Variants in PURG observed in about 807,000 individuals in gnomAD.
PURG encodes the protein purine-rich element-binding protein gamma.
In PURG, 3 loss-of-function variants were observed where a neutral mutation model predicts 24.3. The observed-to-expected ratio is 0.12, with a 90% confidence interval of 0.06 to 0.32. The LOEUF (loss-of-function observed/expected upper bound fraction) is 0.32. PURG is among the 10% of genes least tolerant of loss of function. The pLI, the probability that PURG is intolerant of heterozygous loss-of-function variation, is 1.00. For synonymous variants in PURG, 180 were observed against 173.1 expected, an observed-to-expected ratio of 1.04 and a Z score of -0.31; for missense variants, 371 against 439.1, an observed-to-expected ratio of 0.84 and a Z score of 1.39.
Position 31,032,302 on chromosome 8 carries a change from C to G in PURG, c.481G>C (p.Val161Leu). The change falls in exon 2 of 2, where the codon GTG becomes CTG. Residue 161 changes from valine to leucine, a missense_variant. Val to Leu is a conservative substitution (Grantham distance 32). Transcript: ENST00000523392. The surrounding 1 kb of genome is among the most constrained non-coding windows in gnomAD (Gnocchi z 5.9). ...CTGTGAGGATGCTCTTCGGACCCCA[C>G]CGAGACTGGTGGGGAGGGTGCCGAG... ...KHSAPSPPVSVGSEEHPHSVL... is the reference protein window; with the variant it reads ...KHSAPSPPVSLGSEEHPHSVL... The G allele has an allele frequency of 3.1e-6, 5 of 1,612,836 alleles. No homozygotes were observed. The highest frequency in any genetic ancestry group is 4.2e-6 in the Non-Finnish European group (5 of 1,180,022).
downstream of PURG, among the ~76,000 whole-genome samples, chr8:31,026,637 A>AATATATATAT (rs397791712): frequency 3.9e-5 from 5 of 128,660 alleles, no homozygotes; most frequent in African/African-American, 1.1e-4. Flanking sequence ...TTTTAAAAAG[A>AATATATATAT]ATATATATAT....
intron 1 of PURG, among the ~76,000 whole-genome samples, chr8:31,002,244 G>A (rs989668281): frequency 2.0e-5 from 3 of 152,132 alleles, no homozygotes; most frequent in Non-Finnish European, 4.4e-5. Flanking sequence ...TGAATACCGA[G>A]AGGTAAGACT....
intron 1 of PURG, among the ~76,000 whole-genome samples, chr8:30,999,289 T>G (rs1775843908): frequency 6.6e-6 from 1 of 151,926 alleles, no homozygotes; most frequent in Non-Finnish European, 1.5e-5. Context: ...AGTTTGAATA[T>G]TCTTTTTCAG....
At chr8:31,016,974 T>C (rs1044397901) in intron 1 of PURG, among the ~76,000 whole-genome samples, 1 of 152,112 alleles carries the variant, frequency 6.6e-6, no homozygotes, top group Non-Finnish European at 1.5e-5. Flanking sequence ...AAAGGAGAGA[T>C]GATCAAAAGA....
chr8:31,008,803 TGACAGAATTTGGACTTGAACCCAG>T (rs1222495031), intron 1 of PURG, among the ~76,000 whole-genome samples: 11 of 152,218 alleles, frequency 7.2e-5, no homozygotes, highest in Non-Finnish European at 1.3e-4. Flanking sequence ...TCACAATAAA[TGACAGAATTTGGACTTGAACCCAG>T]GACTGGCTGA....
chr8:31,015,557 ACT>A (rs1459729004), intron 1 of PURG, among the ~76,000 whole-genome samples: 2 of 152,094 alleles, frequency 1.3e-5, no homozygotes, highest in African/African-American at 4.8e-5. Context: ...GGCTCTGAAG[ACT>A]CTGAATGTTT....
chr8:31,003,697 G>T (rs1810585826), intron 1 of PURG, among the ~76,000 whole-genome samples: 1 of 152,050 alleles, frequency 6.6e-6, no homozygotes, highest in South Asian at 2.1e-4. Flanking sequence ...GGGAAGTGGA[G>T]GTTGCAATGA....
At chr8:30,996,732 A>T (rs1436006665) in intron 1 of PURG, 2 of 1,517,310 alleles carry the variant, frequency 1.3e-6, no homozygotes, top group African/African-American at 2.7e-5. Context: ...TTTAGCAAAC[A>T]TGAAGTTTTC....
At chr8:31,024,494 A>C (rs1344144376) in intron 1 of PURG, among the ~76,000 whole-genome samples, 1 of 152,148 alleles carries the variant, frequency 6.6e-6, no homozygotes, top group African/African-American at 2.4e-5. Flanking sequence ...TTTAAAGGTT[A>C]AACAGAGGTT....
chr8:31,008,810 A>G (rs1281201668), intron 1 of PURG, among the ~76,000 whole-genome samples: 1 of 152,194 alleles, frequency 6.6e-6, no homozygotes, highest in Non-Finnish European at 1.5e-5. Context: ...AAATGACAGA[A>G]TTTGGACTTG....
At chr8:31,029,937 A>G (rs1811162866), downstream of PURG, among the ~76,000 whole-genome samples, 1 of 151,992 alleles carries the variant, frequency 6.6e-6, no homozygotes, top group South Asian at 2.1e-4. Context: ...CAGTTGTTCC[A>G]TAGTGATCCA....
In PURG at chr8:31,010,059, T is replaced by C. The variant is rs549945337; in HGVS notation, c.865-13362A>G. Among the ~76,000 whole-genome samples the C allele has an allele frequency of 4.6e-5, 7 of 152,004 alleles. No homozygotes were observed. In the East Asian group the frequency reaches 1.4e-3, roughly 29 times the overall value. ...CTGCAGTGAGCCGTCACTGCACCAC[T>C]GCACTCCGGCCTGGGTGACAAAGCA... On this transcript the variant is annotated intron_variant, in intron 1 of 1. Transcript: ENST00000339382.
At chr8:31,027,841 A>G (rs576407584), downstream of PURG, among the ~76,000 whole-genome samples, 2 of 151,832 alleles carry the variant, frequency 1.3e-5, no homozygotes, top group East Asian at 3.9e-4. Context: ...AAATCCCCCA[A>G]TACCCTTTTT....
At chr8:30,999,082 G>C (rs1438086025) in intron 1 of PURG, among the ~76,000 whole-genome samples, 1 of 151,718 alleles carries the variant, frequency 6.6e-6, no homozygotes, top group East Asian at 1.9e-4. Flanking sequence ...ATATAAAATA[G>C]CATATATATA....
At chr8:31,018,980 T>C (rs954125777) in intron 1 of PURG, among the ~76,000 whole-genome samples, 8 of 149,922 alleles carry the variant, frequency 5.3e-5, no homozygotes, top group Admixed American at 5.3e-4. Flanking sequence ...TAGAAAAAAT[T>C]AGGCGTTGTG....
At chr8:31,022,640 T>C (rs1811018553) in intron 1 of PURG, among the ~76,000 whole-genome samples, 1 of 152,220 alleles carries the variant, frequency 6.6e-6, no homozygotes, top group South Asian at 2.1e-4. Context: ...GGGTACAGTG[T>C]ACAGGAGGGA....
intron 1 of PURG, among the ~76,000 whole-genome samples, chr8:31,017,965 C>T (rs1345266613): frequency 2.0e-5 from 3 of 152,080 alleles, no homozygotes; most frequent in South Asian, 2.1e-4. Flanking sequence ...CTAAATAAAC[C>T]GACAGCAGGT....
intron 1 of PURG, among the ~76,000 whole-genome samples, chr8:31,002,328 G>A (rs955705650): frequency 2.2e-4 from 33 of 152,134 alleles, no homozygotes; most frequent in African/African-American, 7.5e-4. Context: ...GATAAGATGG[G>A]AATCTGTACA....
chr8:30,996,660 A>C (rs778320902), exon 2 of PURG: 2 of 1,612,038 alleles, frequency 1.2e-6, no homozygotes, highest in South Asian at 1.1e-5. Context: ...ACAGTGAAAA[A>C]GGTTGATATT....
Sources: gnomAD v4.1 joint callset for allele counts (sites outside exome capture counted in the v4.1 genomes callset) on GRCh38, gnomAD v4.1.1 for gene constraint, Gnocchi (gnomAD v3.1) non-coding constraint, MANE v1.5 for transcripts, NCBI Gene and HGNC (gene_info 2026-07-23, HGNC 2026-07-21) for gene names.